LIPA: variants seen among roughly 807,000 people sequenced by gnomAD.
LIPA encodes the protein lysosomal acid lipase/cholesteryl ester hydrolase.
Under a neutral mutation model 40.6 loss-of-function variants are expected in LIPA, and 26 were observed. The observed-to-expected ratio is 0.64, with a 90% confidence interval of 0.47 to 0.89. The LOEUF (loss-of-function observed/expected upper bound fraction) is 0.89, where lower values mean the gene tolerates loss of function less well. LIPA is among the 40% of genes least tolerant of loss of function. The probability of loss-of-function intolerance (pLI) is 0.00; values close to 1 mark genes in which losing one functional copy is unlikely to be tolerated. For synonymous variants in LIPA, 188 were observed against 168.4 expected, an observed-to-expected ratio of 1.12 and a Z score of -0.90; for missense variants, 455 against 479.6, an observed-to-expected ratio of 0.95 and a Z score of 0.48.
chr10:89,289,174 G>A (rs1271310208), intron 1 of LIPA, among the ~76,000 whole-genome samples: 4 of 152,148 alleles, frequency 2.6e-5, no homozygotes, highest in Admixed American at 2.0e-4. Flanking sequence ...CCCACACAAG[G>A]CAAATGGTTC....
intron 2 of LIPA, among the ~76,000 whole-genome samples, chr10:89,388,788 GAAATGTAAAAAAAAAAA>G (rs549708707): frequency 1.5e-4 from 21 of 140,024 alleles, no homozygotes; most frequent in African/African-American, 5.4e-4. Context: ...AAATATGCCT[GAAATGTAAAAAAAAAAA>G]AAAAATGAGC....
chr10:89,393,282 G>A (rs575067330), intron 2 of LIPA: 27 of 1,289,618 alleles, frequency 2.1e-5, no homozygotes, highest in South Asian at 1.1e-4. Context: ...ACAGGTTTTC[G>A]CAATCAGGCT....
In LIPA at chr10:89,307,437, G is replaced by C. The variant is rs1274680113; in HGVS notation, c.-2+35174C>G. ...AAGGGAGCTGAAATTCCTCCACCAA[G>C]TTGGTATTCAAAATATGTAATGACT... is the stretch of plus-strand genomic sequence containing the variant. On this transcript the variant is annotated intron_variant, in intron 1 of 5. Transcript: ENST00000282673. 5 of 1,353,756 alleles carry C rather than the reference G, an allele frequency of 3.7e-6. No homozygotes were observed. In the East Asian group the frequency reaches 1.2e-4, roughly 31 times the overall value. The allele number at this position is 1,353,756 out of a possible 1,614,324, so 83.9% of individuals were successfully genotyped here. A position where few individuals can be genotyped will look rare whatever the true frequency, so the allele number is the denominator to read the frequency against.
chr10:89,395,489 A>G (rs972752173), intron 2 of LIPA, among the ~76,000 whole-genome samples: 2 of 151,962 alleles, frequency 1.3e-5, no homozygotes, highest in African/African-American at 4.8e-5. Flanking sequence ...ATTTTTTTCA[A>G]TTGCCTCCTT....
chr10:89,243,827 T>C (rs978630920), intron 3 of LIPA, among the ~76,000 whole-genome samples: 6 of 152,230 alleles, frequency 3.9e-5, no homozygotes, highest in Non-Finnish European at 8.8e-5. Flanking sequence ...AAGCTGGATA[T>C]AGGAGGAGAG....
intron 1 of LIPA, chr10:89,278,588 C>G (rs1843300481): frequency 6.6e-6 from 1 of 152,152 alleles, no homozygotes; most frequent in Admixed American, 6.6e-5. Context: ...TTGCTTCAGA[C>G]CTGGAAGACC....
At chr10:89,402,388 G>A in intron 2 of LIPA, 2 of 1,614,170 alleles carry the variant, frequency 1.2e-6, no homozygotes, top group Non-Finnish European at 1.7e-6. Flanking sequence ...TTAGAAAACA[G>A]AGTCTTGGAT....
intron 2 of LIPA, chr10:89,402,923 T>C (rs1564810866): frequency 6.2e-7 from 1 of 1,614,110 alleles, no homozygotes; most frequent in Non-Finnish European, 8.5e-7. Context: ...ATCCAGACAA[T>C]GGATATATTA....
At chr10:89,354,909 G>A (rs1448841354) in intron 2 of LIPA, among the ~76,000 whole-genome samples, 1 of 152,162 alleles carries the variant, frequency 6.6e-6, no homozygotes, top group Non-Finnish European at 1.5e-5. Flanking sequence ...TAGGCTTGCT[G>A]CTGACTGGTT....
At chr10:89,269,295 A>T (rs142725165) in intron 1 of LIPA, among the ~76,000 whole-genome samples, 2,712 of 152,278 alleles carry the variant, frequency 0.018, 37 homozygotes, top group African/African-American at 0.031. Context: ...TCACCACTGC[A>T]CTCCAGCCTG....
intron 1 of LIPA, among the ~76,000 whole-genome samples, chr10:89,331,537 C>T (rs1360273658): frequency 6.6e-6 from 1 of 152,046 alleles, no homozygotes; most frequent in East Asian, 1.9e-4. Context: ...TGATTACAGT[C>T]CAAGGGAATT....
At chr10:89,334,625 T>C (rs1843706116) in intron 1 of LIPA, among the ~76,000 whole-genome samples, 1 of 150,794 alleles carries the variant, frequency 6.6e-6, no homozygotes, top group Non-Finnish European at 1.5e-5. Context: ...CCCGAGTAGC[T>C]GGGATTACAG....
intron 2 of LIPA, among the ~76,000 whole-genome samples, chr10:89,353,729 A>G (rs930617008): frequency 5.3e-5 from 8 of 152,164 alleles, no homozygotes; most frequent in African/African-American, 1.9e-4. Context: ...TCACGAGGTC[A>G]GAAGATCGAG....
At chr10:89,409,706 AGTT>A (rs1841455855) in intron 2 of LIPA, among the ~76,000 whole-genome samples, 4 of 152,328 alleles carry the variant, frequency 2.6e-5, no homozygotes, top group South Asian at 4.1e-4. Flanking sequence ...GCTGTCCTCA[AGTT>A]CCATTACCAT....
At chr10:89,306,297 A>G in intron 1 of LIPA, 1 of 1,614,150 alleles carries the variant, frequency 6.2e-7, no homozygotes, top group Non-Finnish European at 8.5e-7. Context: ...TCAGACGTTC[A>G]GATTTATGTA....
intron 2 of LIPA, chr10:89,378,189 T>C (rs1354928059): frequency 7.5e-6 from 12 of 1,607,884 alleles, no homozygotes; most frequent in Non-Finnish European, 1.0e-5. Flanking sequence ...CACTTTGAAA[T>C]TCTAAAACTT....
At chr10:89,384,761 T>C (rs1482696357) in intron 2 of LIPA, 1 of 1,495,750 alleles carries the variant, frequency 6.7e-7, no homozygotes, top group East Asian at 2.3e-5. Flanking sequence ...CATTATCCAT[T>C]TAATGGTCTT....
chr10:89,246,038 T>A (rs1843020795), intron 2 of LIPA, among the ~76,000 whole-genome samples: 1 of 152,172 alleles, frequency 6.6e-6, no homozygotes, highest in Non-Finnish European at 1.5e-5. Context: ...TAGCATGTTT[T>A]ATACCAAATT....
At chr10:89,361,875 C>CTTTTTTTTTTTTTTTTT (rs59818683) in intron 2 of LIPA, among the ~76,000 whole-genome samples, 1 of 40,410 alleles carries the variant, frequency 2.5e-5, no homozygotes, top group African/African-American at 1.1e-4. Context: ...CTCCACCTGC[C>CTTTTTTTTTTTTTTTTT]TTTTTTTTTT....
Sources: allele counts gnomAD v4.1 joint callset (sites outside exome capture counted in the v4.1 genomes callset), GRCh38; gene constraint gnomAD v4.1.1; transcripts MANE v1.5; gene names NCBI Gene and HGNC (gene_info 2026-07-23, HGNC 2026-07-21).